The following PEBP4 variants were observed in gnomAD, a reference collection of about 807,000 sequenced individuals.
PEBP4 encodes the protein phosphatidylethanolamine binding protein 4.
A neutral mutation model predicts 23.9 loss-of-function variants in PEBP4; 22 were observed. The ratio of observed to expected loss-of-function variants is 0.92; its 90% CI spans 0.66 to 1.31. The LOEUF (loss-of-function observed/expected upper bound fraction) is 1.31, where lower values mean the gene tolerates loss of function less well. PEBP4 is among the 40% of genes most tolerant of loss of function. The pLI is 0.00. For missense variants in PEBP4, 324 were observed against 281.7 expected (o/e 1.15, Z -1.07); for synonymous variants, 112 against 99.3 (o/e 1.13, Z -0.76).
chr8:22,733,931 T>A lies in PEBP4; in HGVS notation c.358-6711A>T, dbSNP rs1262180740. 2.7e-5 allele frequency among the ~76,000 whole-genome samples: 4 copies of A among 145,692 alleles called. No homozygotes were observed. The East Asian group carries it at 8.0e-4, about 29-fold the overall frequency. On this transcript the variant is annotated intron_variant, in intron 4 of 6. Transcript: ENST00000256404. ...AAGGTGTCATGGAGATAAGGGAGAG[T>A]AGAGGGAGAAATGAGCAAAACAGAG...
At chr8:22,726,243 A>G (rs758073784) in intron 5 of PEBP4, among the ~76,000 whole-genome samples, 1 of 152,306 alleles carries the variant, frequency 6.6e-6, no homozygotes, top group East Asian at 1.9e-4. Flanking sequence ...TTCTGAGCAC[A>G]GGTGGGTGCC....
chr8:22,772,596 G>A (rs11786672), intron 4 of PEBP4, among the ~76,000 whole-genome samples: 104,300 of 150,616 alleles, frequency 0.69, 36,871 homozygotes, highest in South Asian at 0.77. Flanking sequence ...CCTGGCCTCA[G>A]TTGATCCTCC....
chr8:22,848,918 C>CA (rs1393196634), intron 3 of PEBP4, among the ~76,000 whole-genome samples: 4 of 152,320 alleles, frequency 2.6e-5, no homozygotes, highest in African/African-American at 7.2e-5. Context: ...TAGCCACCAT[C>CA]ATTCAGAGAG....
chr8:22,820,923 G>A (rs1806844645), intron 3 of PEBP4, among the ~76,000 whole-genome samples: 1 of 152,240 alleles, frequency 6.6e-6, no homozygotes, highest in Admixed American at 6.5e-5. Flanking sequence ...GCTGGGCATG[G>A]TGGCTCACAT....
At chr8:22,915,587 ATG>A (rs1298706823) in intron 3 of PEBP4, among the ~76,000 whole-genome samples, 3 of 152,136 alleles carry the variant, frequency 2.0e-5, no homozygotes. Context: ...GCCTGATGCA[ATG>A]TGTTCAGTAA....
chr8:22,743,787 T>C (rs908265373), intron 4 of PEBP4, among the ~76,000 whole-genome samples: 1 of 152,238 alleles, frequency 6.6e-6, no homozygotes, highest in Non-Finnish European at 1.5e-5. Context: ...GCCCCTTTCC[T>C]CTGCCCAGGT....
At chr8:22,715,792 T>G (rs992200077) in intron 6 of PEBP4, among the ~76,000 whole-genome samples, 8 of 152,146 alleles carry the variant, frequency 5.3e-5, no homozygotes, top group Non-Finnish European at 8.8e-5. Flanking sequence ...CCGCAACTCC[T>G]TACACCCCCT....
intron 3 of PEBP4, among the ~76,000 whole-genome samples, chr8:22,825,235 G>A (rs967569253): frequency 6.6e-6 from 1 of 152,208 alleles, no homozygotes; most frequent in Non-Finnish European, 1.5e-5. Flanking sequence ...CCTTAGCCAG[G>A]CTCCTTGAAG....
chr8:22,934,964 C>A (rs1389836257), intron 1 of PEBP4, among the ~76,000 whole-genome samples: 1 of 152,010 alleles, frequency 6.6e-6, no homozygotes, highest in Non-Finnish European at 1.5e-5. Context: ...ACAGGGATGG[C>A]TATATTAATA....
upstream of PEBP4, among the ~76,000 whole-genome samples, chr8:22,928,252 G>C (rs2466227): frequency 0.4 from 60,423 of 152,170 alleles, 12,822 homozygotes; most frequent in East Asian, 0.6. Context: ...CACAGCCTGT[G>C]AGCTTCCCCA....
intron 4 of PEBP4, among the ~76,000 whole-genome samples, chr8:22,799,235 C>A (rs139817835): frequency 7.2e-5 from 11 of 152,180 alleles, no homozygotes; most frequent in Non-Finnish European, 1.3e-4. Flanking sequence ...TGTCATTGTG[C>A]GGTAGCTTCC....
rs948573167 is a variant in PEBP4 at position 22,715,430 on chromosome 8, G to A, written c.518-1894C>T. Among the ~76,000 whole-genome samples, 15 of 124,308 alleles carry A rather than the reference G, an allele frequency of 1.2e-4. No individual in the cohort carries two copies. In the South Asian group the frequency reaches 1.2e-3, roughly 10 times the overall value. 81.6% of individuals were successfully genotyped at this position (124,308 alleles called of 152,430 possible). A position where few individuals can be genotyped will look rare whatever the true frequency, so the allele number is the denominator to read the frequency against. ...TATGTGTGGGTGCACGTGTGTGTGC[G>A]CACGCGCACATGCCAGGGTAATACG... On this transcript the variant is annotated intron_variant, in intron 6 of 6. Transcript: ENST00000256404.
At chr8:22,771,433 G>T (rs1053254017) in intron 4 of PEBP4, among the ~76,000 whole-genome samples, 1 of 152,136 alleles carries the variant, frequency 6.6e-6, no homozygotes, top group Non-Finnish European at 1.5e-5. Context: ...AGGTTGCAGC[G>T]AGCTGAGATC....
At chr8:22,932,682 C>T (rs1374442987), upstream of PEBP4, among the ~76,000 whole-genome samples, 1 of 135,604 alleles carries the variant, frequency 7.4e-6, no homozygotes, top group African/African-American at 3.2e-5. Flanking sequence ...GACCCTGTCT[C>T]AAAAAATTTT....
chr8:22,918,237 G>C (rs1367183438), intron 3 of PEBP4, among the ~76,000 whole-genome samples: 2 of 152,198 alleles, frequency 1.3e-5, no homozygotes, highest in African/African-American at 4.8e-5. Context: ...ATAAACTATA[G>C]TTCCATAGTA....
chr8:22,920,232 C>T lies in PEBP4; in HGVS notation c.210G>A (p.Lys70=). ...CTATCGGCTCCATCCAGGAGGTGAT[C>T]TTCTGTCTGTAGTTGTTACAATCAG... ...VVPDCNNYRQ[K]ITSWMEPIVK... Residue 70 remains lysine, a synonymous_variant, in exon 3 of 7, where the codon AAG becomes AAA. Transcript: ENST00000256404. 1 of 1,613,756 alleles carries T rather than the reference C, an allele frequency of 6.2e-7. No homozygotes were observed. The highest frequency in any genetic ancestry group is 2.2e-5 in the East Asian group (1 of 44,876).
At chr8:22,826,810 C>T (rs1806979056) in intron 3 of PEBP4, among the ~76,000 whole-genome samples, 2 of 152,102 alleles carry the variant, frequency 1.3e-5, no homozygotes, top group Admixed American at 6.5e-5. Flanking sequence ...GAGATAGAGA[C>T]ATCTATATGT....
chr8:22,855,770 A>T (rs1807633222), intron 3 of PEBP4, among the ~76,000 whole-genome samples: 1 of 152,176 alleles, frequency 6.6e-6, no homozygotes, highest in Admixed American at 6.5e-5. Flanking sequence ...GCCAGGCATG[A>T]TAGCTCACGC....
chr8:22,834,747 C>T (rs181577089), intron 3 of PEBP4, among the ~76,000 whole-genome samples: 3 of 152,328 alleles, frequency 2.0e-5, no homozygotes, highest in Admixed American at 2.0e-4. Context: ...TGTCCCCTCA[C>T]TCATTTCCTT....
Sources: allele counts gnomAD v4.1 joint callset (sites outside exome capture counted in the v4.1 genomes callset), GRCh38; gene constraint gnomAD v4.1.1; transcripts MANE v1.5; gene names NCBI Gene and HGNC (gene_info 2026-07-23, HGNC 2026-07-21).